Variants in SRRM3 observed in about 807,000 individuals in gnomAD.
SRRM3 encodes the protein serine/arginine repetitive matrix 3.
Under a neutral mutation model 66.2 loss-of-function variants are expected in SRRM3, and 27 were observed. The ratio of observed to expected loss-of-function variants is 0.41; its 90% confidence interval spans 0.30 to 0.56. The LOEUF (loss-of-function observed/expected upper bound fraction) is 0.56. Among genes scored for constraint, SRRM3 ranks in the 20% least tolerant of loss-of-function variants. SRRM3 has a pLI of 0.32. For synonymous variants in SRRM3, 391 were observed against 414.9 expected (o/e 0.94, Z 0.70); for missense variants, 918 against 991.9 (o/e 0.93, Z 1.00).
chr7:76,223,323 G>C (rs1331726714), intron 1 of SRRM3, among the ~76,000 whole-genome samples: 1 of 152,164 alleles, frequency 6.6e-6, no homozygotes, highest in East Asian at 1.9e-4. Flanking sequence ...TCAATATAAA[G>C]TGTTCAAGGC....
In SRRM3 at chr7:76,214,245, G is replaced by GGA. The variant is rs548827951; in HGVS notation, c.-40+12182_-40+12183dup. ...TGATGGCAGAGCAGAGTGGAGACTT[G>GGA]GAGAGGCCACTGCTGCACCAGGAGC... On this transcript the variant is annotated intron_variant, in intron 1 of 14. Coordinates refer to ENST00000611745, the MANE Select transcript of SRRM3 (RefSeq NM_001110199.3). 3.0e-3 allele frequency among the ~76,000 whole-genome samples: 456 copies of GGA among 150,280 alleles called. 5 individuals carry two copies. Among genetic ancestry groups the GGA allele is most frequent in the African/African-American group, 0.011 (430 of 39,776 alleles).
rs182967364 is a variant in SRRM3 at position 76,261,670 on chromosome 7, C to T, written c.674+89C>T. ...AATGATGGGAGGGGGTTTTGAGGGT[C>T]CCACAGGGCTCCATCCTTCAGCTCC... On this transcript the variant is annotated intron_variant, in intron 8 of 14. Coordinates refer to ENST00000611745, the MANE Select transcript of SRRM3 (RefSeq NM_001110199.3). 35 of 1,390,698 alleles carry T rather than the reference C, an allele frequency of 2.5e-5. No individual in the cohort carries two copies. The African/African-American group carries it at 4.0e-4, about 16-fold the overall frequency. 86.1% of individuals were successfully genotyped at this position (1,390,698 alleles called of 1,614,324 possible). A position where few individuals can be genotyped will look rare whatever the true frequency, so the allele number is the denominator to read the frequency against.
chr7:76,215,394 GTTTTT>G (rs1170079332), intron 1 of SRRM3, among the ~76,000 whole-genome samples: 1 of 95,112 alleles, frequency 1.1e-5, no homozygotes, highest in African/African-American at 4.6e-5. Context: ...GGAGCCCGCA[GTTTTT>G]TTTTTTTTTT....
At chr7:76,259,860 G>T in intron 3 of SRRM3, 46 bp from the exon 4 acceptor site, 2 of 1,598,216 alleles carry the variant, frequency 1.3e-6, no homozygotes, top group Non-Finnish European at 1.7e-6. Context: ...AAGGGGTGAA[G>T]AAAAGTCGTC....
At chr7:76,280,474 G>C (rs1802466429) in intron 11 of SRRM3, among the ~76,000 whole-genome samples, 1 of 149,346 alleles carries the variant, frequency 6.7e-6, no homozygotes, top group African/African-American at 2.5e-5. Flanking sequence ...CCCGCTCCCG[G>C]TGCCGCTCTC....
chr7:76,219,649 C>T (rs782211260), intron 1 of SRRM3, among the ~76,000 whole-genome samples: 10 of 152,202 alleles, frequency 6.6e-5, no homozygotes, highest in Non-Finnish European at 1.0e-4. Flanking sequence ...TGGCTCACAC[C>T]TGTCATCTCA....
intron 2 of SRRM3, among the ~76,000 whole-genome samples, chr7:76,241,629 G>A (rs530286197): frequency 2.6e-5 from 4 of 152,078 alleles, no homozygotes; most frequent in South Asian, 2.1e-4. Context: ...TTGGCCTCCC[G>A]AGTAGCTGGG....
intron 12 of SRRM3, 124 bp downstream of exon 12, chr7:76,281,926 C>G: frequency 1.4e-6 from 1 of 740,670 alleles, no homozygotes; most frequent in Non-Finnish European, 1.7e-6. Context: ...ATCCCAACCC[C>G]CTCCCACCGA....
chr7:76,256,336 G>A (rs533022805), intron 3 of SRRM3, among the ~76,000 whole-genome samples: 11 of 152,108 alleles, frequency 7.2e-5, no homozygotes, highest in East Asian at 3.9e-4. Context: ...GTGAAACCCC[G>A]TCTCTACTAA....
At chr7:76,204,340 A>G (rs1317372826) in intron 1 of SRRM3, among the ~76,000 whole-genome samples, 2 of 152,064 alleles carry the variant, frequency 1.3e-5, no homozygotes, top group African/African-American at 2.4e-5. Context: ...ACTCCTACAC[A>G]TACACTGAGC....
chr7:76,203,982 G>T (rs1177619626), intron 1 of SRRM3, among the ~76,000 whole-genome samples: 2 of 152,110 alleles, frequency 1.3e-5, no homozygotes, highest in African/African-American at 4.8e-5. Context: ...CCGGCCAGCG[G>T]GGTGCCTCTA....
chr7:76,277,649 G>T (rs1168643178), intron 11 of SRRM3, among the ~76,000 whole-genome samples: 7 of 147,140 alleles, frequency 4.8e-5, no homozygotes, highest in Admixed American at 2.8e-4. Context: ...AGTGAGCCAA[G>T]ATCGTGCCAT....
chr7:76,204,897 A>T (rs1215593351), intron 1 of SRRM3, among the ~76,000 whole-genome samples: 6 of 152,038 alleles, frequency 3.9e-5, no homozygotes, highest in African/African-American at 1.4e-4. Context: ...ACATAGTGAG[A>T]CCCCATCTCT....
At chr7:76,271,252 T>C (rs1554610506) in intron 11 of SRRM3, among the ~76,000 whole-genome samples, 3 of 152,136 alleles carry the variant, frequency 2.0e-5, no homozygotes, top group Admixed American at 2.0e-4. Flanking sequence ...GAGGATCACT[T>C]GAGGCCTGCA....
At chr7:76,217,585 C>A (rs868967182) in intron 1 of SRRM3, among the ~76,000 whole-genome samples, 1 of 152,234 alleles carries the variant, frequency 6.6e-6, no homozygotes, top group East Asian at 1.9e-4. Flanking sequence ...CACACCTGGG[C>A]GCAAATGCAG....
intron 2 of SRRM3, among the ~76,000 whole-genome samples, chr7:76,245,402 T>A (rs946154286): frequency 8.7e-4 from 133 of 152,294 alleles, no homozygotes; most frequent in African/African-American, 2.8e-3. Context: ...TTTAAAATTA[T>A]TTTTTAAAAC....
At chr7:76,217,392 C>T (rs1295901312) in intron 1 of SRRM3, among the ~76,000 whole-genome samples, 2 of 152,152 alleles carry the variant, frequency 1.3e-5, no homozygotes, top group African/African-American at 4.8e-5. Context: ...TCAAGCGATT[C>T]TCCTGCCTCA....
At chr7:76,238,238 C>T (rs73371670) in intron 2 of SRRM3, among the ~76,000 whole-genome samples, 5,047 of 152,248 alleles carry the variant, frequency 0.033, 173 homozygotes, top group African/African-American at 0.094. Flanking sequence ...GAGAGTCCTC[C>T]GTTGAAGACA....
chr7:76,284,244 G>T (rs1412972409), intron 14 of SRRM3, among the ~76,000 whole-genome samples: 2 of 150,054 alleles, frequency 1.3e-5, no homozygotes, highest in African/African-American at 4.9e-5. Context: ...GTGCAATCTC[G>T]GCTCACTGCA....
Sources: allele counts gnomAD v4.1 joint callset (sites outside exome capture counted in the v4.1 genomes callset), GRCh38; gene constraint gnomAD v4.1.1; transcripts MANE v1.5; gene names NCBI Gene and HGNC (gene_info 2026-07-23, HGNC 2026-07-21).